Variants in MAP4K3 observed in about 807,000 individuals in gnomAD.
MAP4K3 encodes the protein MAPK/ERK kinase kinase kinase 3.
A neutral mutation model predicts 143.5 loss-of-function variants in MAP4K3; 94 were observed. The observed-to-expected ratio is 0.65, with a 90% CI of 0.55 to 0.78. The LOEUF is 0.78. MAP4K3 is among the 30% of genes least tolerant of loss of function. The probability of loss-of-function intolerance (pLI) is 0.00; values close to 1 mark genes in which losing one functional copy is unlikely to be tolerated. For missense variants in MAP4K3, 1,077 were observed against 1,068.1 expected (o/e 1.01, Z -0.12); for synonymous variants, 416 against 347.2 (o/e 1.20, Z -2.20).
At chr2:39,419,032 G>A (rs1456446711) in intron 1 of MAP4K3, among the ~76,000 whole-genome samples, 1 of 152,114 alleles carries the variant, frequency 6.6e-6, no homozygotes. Context: ...ACGAAACTGG[G>A]TTAGGAGTCT....
intron 1 of MAP4K3, among the ~76,000 whole-genome samples, chr2:39,425,115 C>G (rs1252231970): frequency 6.6e-6 from 1 of 151,816 alleles, no homozygotes; most frequent in African/African-American, 2.4e-5. Flanking sequence ...TCCCCACCAC[C>G]CCCCCAGCCC....
chr2:39,253,498 C>A (rs1268609836), intron 32 of MAP4K3, among the ~76,000 whole-genome samples: 1 of 152,146 alleles, frequency 6.6e-6, no homozygotes, highest in Non-Finnish European at 1.5e-5. Flanking sequence ...CGCTTTGTTT[C>A]ATTTAATCAT....
rs1233192918 is a variant in MAP4K3, at chr2:39,346,400, T to C, written c.246-2948A>G. Among the ~76,000 whole-genome samples, 14 of 152,244 alleles carry C rather than the reference T, an allele frequency of 9.2e-5. 1 individual carries two copies. The highest frequency in any genetic ancestry group is 3.4e-4 in the African/African-American group (14 of 41,470). The stretch of plus-strand genomic sequence containing the variant: ...AATGACACTAAGCATAGGACTTTTT[T>C]CTTATTTGTTAAATCTTATACTTAA... On this transcript the variant is annotated intron_variant, in intron 3 of 33. Coordinates refer to ENST00000263881, the MANE Select transcript of MAP4K3 (RefSeq NM_003618.4).
chr2:39,304,903 A>G (rs1351917288), intron 15 of MAP4K3, among the ~76,000 whole-genome samples: 1 of 152,238 alleles, frequency 6.6e-6, no homozygotes, highest in African/African-American at 2.4e-5. Flanking sequence ...ACACGCTGCA[A>G]CACGGAGGAA....
chr2:39,399,377 T>A lies in MAP4K3; in HGVS notation c.97-21254A>T, dbSNP rs1256602257. On this transcript the variant is annotated intron_variant, in intron 1 of 33. Coordinates refer to ENST00000263881, the MANE Select transcript of MAP4K3 (RefSeq NM_003618.4). ...TATGCTAAAACTGGTAGGCTTAAGG[T>A]AGTGCGCAGCAGCCTTCAATCCAGT... Among the ~76,000 whole-genome samples, 4 of 152,134 alleles carry A rather than the reference T, an allele frequency of 2.6e-5. No homozygotes were observed. In the East Asian group the frequency reaches 7.7e-4, roughly 29 times the overall value.
intron 8 of MAP4K3, among the ~76,000 whole-genome samples, chr2:39,329,841 C>CA (rs1440508064): frequency 2.0e-5 from 3 of 152,090 alleles, no homozygotes; most frequent in Non-Finnish European, 4.4e-5. Context: ...CCCGACTTCC[C>CA]AAACAAAAAG....
chr2:39,303,319 A>G (rs937217448), intron 15 of MAP4K3, among the ~76,000 whole-genome samples: 2 of 152,230 alleles, frequency 1.3e-5, no homozygotes, highest in African/African-American at 4.8e-5. Flanking sequence ...TATTTCTTAA[A>G]AAGTCAGAAA....
At chr2:39,307,860 A>T in intron 15 of MAP4K3, 83 bp downstream of exon 15, 1 of 1,063,574 alleles carries the variant, frequency 9.4e-7, no homozygotes, top group Non-Finnish European at 1.3e-6. Context: ...ACAATGCTTT[A>T]ATTGGACAAA....
At chr2:39,303,697 C>T (rs1423176645) in intron 15 of MAP4K3, among the ~76,000 whole-genome samples, 1 of 152,140 alleles carries the variant, frequency 6.6e-6, no homozygotes, top group African/African-American at 2.4e-5. Flanking sequence ...CACCACCATG[C>T]CCAGCTAATT....
chr2:39,375,977 G>T (rs1666206739), intron 2 of MAP4K3, among the ~76,000 whole-genome samples: 1 of 152,178 alleles, frequency 6.6e-6, no homozygotes, highest in Admixed American at 6.5e-5. Context: ...CCAGTTGATG[G>T]GCAGTTAGAC....
At chr2:39,270,445 G>A (rs1013270354) in intron 26 of MAP4K3, among the ~76,000 whole-genome samples, 1 of 152,176 alleles carries the variant, frequency 6.6e-6, no homozygotes, top group East Asian at 1.9e-4. Context: ...ACAAGGCAGA[G>A]TTCAATTTAT....
At chr2:39,298,765 A>C (rs1001166144) in intron 16 of MAP4K3, among the ~76,000 whole-genome samples, 5 of 152,106 alleles carry the variant, frequency 3.3e-5, no homozygotes, top group Non-Finnish European at 5.9e-5. Flanking sequence ...CAGGAGTTCG[A>C]GACCAGCCTG....
At chr2:39,357,237 G>A (rs1237598887) in intron 2 of MAP4K3, among the ~76,000 whole-genome samples, 18 of 152,218 alleles carry the variant, frequency 1.2e-4, no homozygotes, top group Admixed American at 1.2e-3. Context: ...CAAATGTGGT[G>A]AACCAGAGAC....
intron 15 of MAP4K3, 164 bp from the exon 16 acceptor site, chr2:39,299,965 C>G (rs530982102): frequency 2.3e-5 from 8 of 353,504 alleles, no homozygotes; most frequent in Non-Finnish European, 3.1e-5. Flanking sequence ...AGTTCATAGT[C>G]CTGATTTAAG....
chr2:39,423,937 T>C (rs2148630982), intron 1 of MAP4K3, among the ~76,000 whole-genome samples: 1 of 152,334 alleles, frequency 6.6e-6, no homozygotes, highest in South Asian at 2.1e-4. Flanking sequence ...AATGTATCAG[T>C]ATTGGTTCAT....
chr2:39,291,191 T>C (rs1031688909), intron 18 of MAP4K3, among the ~76,000 whole-genome samples: 16 of 152,230 alleles, frequency 1.1e-4, no homozygotes, highest in African/African-American at 3.6e-4. Flanking sequence ...CTAATTACCC[T>C]GATCAGATCA....
intron 19 of MAP4K3, 52 bp from the exon 20 acceptor site, chr2:39,288,332 T>A (rs1216386443): frequency 6.6e-7 from 1 of 1,514,064 alleles, no homozygotes; most frequent in Admixed American, 1.7e-5. Context: ...ATTATTTTCC[T>A]GAAGTAAGTA....
At position 39,272,307 on chromosome 2, in the gene MAP4K3, T is replaced by C. The variant is rs200566214; in HGVS notation, c.1949A>G (p.Lys650Arg). 132 of 1,613,522 alleles carry C rather than the reference T, an allele frequency of 8.2e-5. 1 individual carries two copies. In the East Asian group the frequency reaches 2.6e-3, roughly 32 times the overall value. The change falls in exon 26 of 34, where the codon AAA becomes AGA. Residue 650 changes from lysine to arginine, a missense_variant. By Grantham distance (26) the Lys-to-Arg change is conservative. Around this residue, in one of 2 missense-constraint regions of MAP4K3, gnomAD observed 864 missense variants for 801.2 expected, o/e 1.08. Transcript: ENST00000263881. ...QKLPVAIPAH[K>R]LPDRILPRKF... ...CCTTGGCAGTATTCTGTCAGGGAGT[T>C]TGTGTGCTGGAATAGCAACAGGTAA...
intron 1 of MAP4K3, among the ~76,000 whole-genome samples, chr2:39,380,457 T>C (rs1666330245): frequency 6.6e-6 from 1 of 152,180 alleles, no homozygotes; most frequent in Non-Finnish European, 1.5e-5. Flanking sequence ...GCAACTGCTA[T>C]TCTTTTTTTC....
Sources: allele counts gnomAD v4.1 joint callset (sites outside exome capture counted in the v4.1 genomes callset), GRCh38; gene constraint gnomAD v4.1.1; regional missense constraint gnomAD v4.1.1; transcripts MANE v1.5; gene names NCBI Gene and HGNC (gene_info 2026-07-23, HGNC 2026-07-21).